Variants in ZBTB16 observed in about 807,000 individuals in gnomAD.
ZBTB16 encodes zinc finger and BTB domain containing 16.
ZBTB16 carries 8 observed loss-of-function variants against 56.8 expected under a neutral mutation model. The observed-to-expected ratio is 0.14, with a 90% CI of 0.08 to 0.25. The LOEUF (loss-of-function observed/expected upper bound fraction) is 0.25, where lower values mean the gene tolerates loss of function less well. ZBTB16 is among the 10% of genes least tolerant of loss of function. The probability of loss-of-function intolerance (pLI) is 1.00; values close to 1 mark genes in which losing one functional copy is unlikely to be tolerated. For synonymous variants in ZBTB16, 363 were observed against 368.5 expected (o/e 0.98, Z 0.17); for missense variants, 625 against 903.0 (o/e 0.69, Z 3.95).
At chr11:114,136,245 C>T (rs1464951363) in intron 2 of ZBTB16, among the ~76,000 whole-genome samples, 1 of 152,118 alleles carries the variant, frequency 6.6e-6, no homozygotes, top group African/African-American at 2.4e-5. Flanking sequence ...AAAAATGAGC[C>T]TTCAAGTACT....
chr11:114,114,177 C>T (rs1941103419), intron 2 of ZBTB16, among the ~76,000 whole-genome samples: 1 of 152,210 alleles, frequency 6.6e-6, no homozygotes, highest in African/African-American at 2.4e-5. Flanking sequence ...TTCTGGAGAA[C>T]ATGTCCCTGA....
chr11:114,108,104 C>T (rs184383955), intron 2 of ZBTB16, among the ~76,000 whole-genome samples: 3 of 152,216 alleles, frequency 2.0e-5, no homozygotes, highest in Admixed American at 1.3e-4. Flanking sequence ...ACGGCTTTAT[C>T]ATTCATTAAT....
chr11:114,095,754 C>G (rs1207721587), intron 2 of ZBTB16, among the ~76,000 whole-genome samples: 1 of 152,166 alleles, frequency 6.6e-6, no homozygotes, highest in Non-Finnish European at 1.5e-5. Context: ...TCCCTTTCAC[C>G]CTAGCATGCT....
rs148504913 is a variant in ZBTB16, at chr11:114,217,821, G to T, written c.1454-24346G>T. Among the ~76,000 whole-genome samples, 4 of 152,302 alleles carry T rather than the reference G, an allele frequency of 2.6e-5. No individual in the cohort carries two copies. The Middle Eastern group carries it at 0.01, about 389-fold the overall frequency. On this transcript the variant is annotated intron_variant, in intron 4 of 6. Transcript: ENST00000335953. ...GCTCAGCAGAGAAGGGCCTCCTGCA[G>T]CCAGCTCCTTAGGCTCCCTGGAAGG... is the stretch of plus-strand genomic sequence containing the variant.
chr11:114,219,978 G>T (rs971515703), intron 4 of ZBTB16, among the ~76,000 whole-genome samples: 5 of 152,236 alleles, frequency 3.3e-5, no homozygotes, highest in Non-Finnish European at 7.3e-5. Context: ...GTCCCAGTTT[G>T]ACTGCTGGAC....
chr11:114,217,304 C>T (rs1419994282), intron 4 of ZBTB16, among the ~76,000 whole-genome samples: 1 of 152,116 alleles, frequency 6.6e-6, no homozygotes, highest in Non-Finnish European at 1.5e-5. Context: ...TTGGATAGGT[C>T]GCACTGGTGG....
At chr11:114,141,975 T>TA (rs1369305904) in intron 2 of ZBTB16, among the ~76,000 whole-genome samples, 18 of 152,244 alleles carry the variant, frequency 1.2e-4, no homozygotes, top group African/African-American at 4.3e-4. Flanking sequence ...TTGTTGGTAT[T>TA]ACAGTTATCA....
intron 2 of ZBTB16, among the ~76,000 whole-genome samples, chr11:114,078,313 C>T (rs1280329726): frequency 6.6e-6 from 1 of 152,120 alleles, no homozygotes; most frequent in Non-Finnish European, 1.5e-5. Flanking sequence ...CTCCCTTGGT[C>T]GTCTCCCACC....
chr11:114,228,950 C>T (rs1321824032), intron 4 of ZBTB16, among the ~76,000 whole-genome samples: 1 of 152,162 alleles, frequency 6.6e-6, no homozygotes, highest in Non-Finnish European at 1.5e-5. Flanking sequence ...GGCGCCCCAT[C>T]CCCCATAGCC....
intron 2 of ZBTB16, among the ~76,000 whole-genome samples, chr11:114,102,410 T>G (rs1940642910): frequency 6.6e-6 from 1 of 152,154 alleles, no homozygotes; most frequent in South Asian, 2.1e-4. Flanking sequence ...GTGAGTTTTT[T>G]TTACTCTGGG....
intron 2 of ZBTB16, among the ~76,000 whole-genome samples, chr11:114,138,279 A>G (rs1941849730): frequency 6.6e-6 from 1 of 152,206 alleles, no homozygotes. Context: ...AGTGGAGGCC[A>G]GGAGAGGATG....
chr11:114,200,753 A>G (rs1038363712), intron 4 of ZBTB16, among the ~76,000 whole-genome samples: 2 of 152,112 alleles, frequency 1.3e-5, no homozygotes, highest in African/African-American at 4.8e-5. Flanking sequence ...GCCCATGCTC[A>G]GCCCCTCAAG....
intron 4 of ZBTB16, among the ~76,000 whole-genome samples, chr11:114,233,270 G>A (rs435562): frequency 6.6e-6 from 1 of 151,566 alleles, no homozygotes; most frequent in African/African-American, 2.4e-5. Flanking sequence ...AGGTACCAGC[G>A]GAGGATATTA....
At chr11:114,119,374 G>T (rs773179164) in intron 2 of ZBTB16, among the ~76,000 whole-genome samples, 5 of 150,550 alleles carry the variant, frequency 3.3e-5, no homozygotes, top group Admixed American at 6.6e-5. Context: ...GTTTGTGTCT[G>T]TGTGTGTGTG....
In ZBTB16 at chr11:114,063,863, CCACTT is replaced by C. The variant is rs1427715461; in HGVS notation, c.566_570del (p.Thr189IlefsTer50). The C allele has an allele frequency of 6.2e-7, 1 of 1,614,160 alleles. No homozygotes were observed. Among genetic ancestry groups the C allele is most frequent in the Non-Finnish European group, 8.5e-7 (1 of 1,180,040 alleles). The stretch of plus-strand genomic sequence containing the variant: ...ATGGTGGACCAGAGCCCTTCAGTCT[CCACTT>C]CATTTGGTCTTTCAGCCATGAGTCC... On this transcript the variant is annotated frameshift_variant, in exon 2 of 7. Transcript: ENST00000335953. LOFTEE classifies it high-confidence loss of function. This position sits in a 1 kb window ranked among gnomAD's most constrained non-coding sequence, Gnocchi z 6.5.
Position 114,064,278 on chromosome 11 carries a change from G to T in ZBTB16, c.978G>T (p.Pro326=). 6.2e-7 allele frequency: 1 copy of T among 1,614,042 alleles called. No homozygotes were observed. The highest frequency in any genetic ancestry group is 8.5e-7 in the Non-Finnish European group (1 of 1,180,022). The change falls in exon 2 of 7, where the codon CCG becomes CCT. Residue 326 remains proline (P), a synonymous_variant. Transcript: ENST00000335953. This position sits in a 1 kb window ranked among gnomAD's most constrained non-coding sequence, Gnocchi z 4.2. The part of the protein sequence containing the change: ...PTGRPEHPAP[P]PEKHLGIYSV... ...GCCGACCTGAGCACCCAGCACCCCC[G>T]CCTGAGAAGCATCTGGGCATCTACT...
At chr11:114,172,374 G>A (rs906169835) in intron 3 of ZBTB16, among the ~76,000 whole-genome samples, 1 of 152,186 alleles carries the variant, frequency 6.6e-6, no homozygotes, top group Non-Finnish European at 1.5e-5. Flanking sequence ...GCCAGGTACT[G>A]TGCCAGATTG....
chr11:114,087,636 G>T (rs1479599755), intron 2 of ZBTB16, among the ~76,000 whole-genome samples: 1 of 152,112 alleles, frequency 6.6e-6, no homozygotes, highest in African/African-American at 2.4e-5. Context: ...GTGCACCCCT[G>T]CAAGGCTCAT....
chr11:114,185,376 T>C (rs1171765228), intron 3 of ZBTB16, among the ~76,000 whole-genome samples: 1 of 152,142 alleles, frequency 6.6e-6, no homozygotes, highest in African/African-American at 2.4e-5. Flanking sequence ...GGACTGAGCA[T>C]TGCTCAGGCA....
Sources: gnomAD v4.1 joint callset for allele counts (sites outside exome capture counted in the v4.1 genomes callset) on GRCh38, gnomAD v4.1.1 for gene constraint, Gnocchi (gnomAD v3.1) non-coding constraint, MANE v1.5 for transcripts, NCBI Gene and HGNC (gene_info 2026-07-23, HGNC 2026-07-21) for gene names.